Variants in CNBD1 observed in about 807,000 individuals in gnomAD.
CNBD1 encodes cyclic nucleotide binding domain containing 1, also known as cyclic nucleotide-binding domain-containing protein 1.
A neutral mutation model predicts 54.4 loss-of-function variants in CNBD1; 71 were observed. That is an observed-to-expected ratio of 1.30 (90% CI 1.08 to 1.59). The LOEUF is 1.59. Ranked by LOEUF, CNBD1 falls within the 40% of genes most tolerant of loss-of-function variation. The pLI is 0.00. For synonymous variants in CNBD1, 182 were observed against 170.7 expected (o/e 1.07, Z -0.51); for missense variants, 659 against 518.0 (o/e 1.27, Z -2.64).
At chr8:86,976,187 CTTTTTTTTT>C (rs71277906) in intron 4 of CNBD1, among the ~76,000 whole-genome samples, 2 of 83,478 alleles carry the variant, frequency 2.4e-5, no homozygotes, top group Non-Finnish European at 4.4e-5. Context: ...GTGCATTGAC[CTTTTTTTTT>C]TTTTTTTTTT....
At chr8:87,151,432 G>A (rs1352168857) in intron 4 of CNBD1, among the ~76,000 whole-genome samples, 1 of 152,208 alleles carries the variant, frequency 6.6e-6, no homozygotes, top group Admixed American at 6.5e-5. Context: ...TATATAGCAT[G>A]TAGATGGTGT....
At chr8:86,925,932 A>G (rs1389649667) in intron 3 of CNBD1, among the ~76,000 whole-genome samples, 1 of 152,016 alleles carries the variant, frequency 6.6e-6, no homozygotes, top group African/African-American at 2.4e-5. Flanking sequence ...CGAAGAGTGA[A>G]AGGACAAAGC....
At chr8:87,309,112 T>C (rs998087372) in intron 8 of CNBD1, among the ~76,000 whole-genome samples, 1 of 152,142 alleles carries the variant, frequency 6.6e-6, no homozygotes, top group African/African-American at 2.4e-5. Context: ...TAGTCAGTAA[T>C]AGGATTGCTG....
chr8:87,244,123 G>C (rs1196497405), intron 6 of CNBD1, among the ~76,000 whole-genome samples: 1 of 152,098 alleles, frequency 6.6e-6, no homozygotes, highest in Non-Finnish European at 1.5e-5. Context: ...ACATTTTAGG[G>C]AGAGATGAGA....
At chr8:86,904,449 A>G (rs1410411057) in intron 2 of CNBD1, among the ~76,000 whole-genome samples, 1 of 151,994 alleles carries the variant, frequency 6.6e-6, no homozygotes, top group Non-Finnish European at 1.5e-5. Context: ...CATTTTTGGT[A>G]TTTGCCATGA....
intron 3 of CNBD1, among the ~76,000 whole-genome samples, chr8:86,936,078 G>T (rs1403647862): frequency 2.0e-5 from 3 of 152,110 alleles, no homozygotes; most frequent in Non-Finnish European, 2.9e-5. Flanking sequence ...GGCAGAGGTT[G>T]CAGTGAGCTG....
intron 4 of CNBD1, among the ~76,000 whole-genome samples, chr8:87,198,536 A>G (rs150384317): frequency 6.6e-6 from 1 of 152,342 alleles, no homozygotes; most frequent in Admixed American, 6.5e-5. Context: ...CAAATGCTGA[A>G]CTTAGCAGAC....
chr8:87,116,694 C>A (rs1267696403), intron 4 of CNBD1, among the ~76,000 whole-genome samples: 1 of 152,120 alleles, frequency 6.6e-6, no homozygotes, highest in Non-Finnish European at 1.5e-5. Flanking sequence ...CAGTAAATGA[C>A]ATTAATCTGA....
At chr8:87,012,449 T>G (rs1277951833) in intron 4 of CNBD1, among the ~76,000 whole-genome samples, 1 of 152,172 alleles carries the variant, frequency 6.6e-6, no homozygotes, top group African/African-American at 2.4e-5. Flanking sequence ...AAAAAAATAT[T>G]TAACCCAAAA....
chr8:87,304,907 A>T (rs1325726012), intron 8 of CNBD1, among the ~76,000 whole-genome samples: 2 of 152,032 alleles, frequency 1.3e-5, no homozygotes. Context: ...GGAAATCCTT[A>T]TCAGAGCAAT....
chr8:87,385,106 T>C (rs1811155915), downstream of CNBD1, among the ~76,000 whole-genome samples: 1 of 152,020 alleles, frequency 6.6e-6, no homozygotes, highest in Admixed American at 6.6e-5. Context: ...TGGGAGGGCA[T>C]TAAAAAGTCC....
intron 10 of CNBD1, among the ~76,000 whole-genome samples, chr8:87,365,490 C>T (rs1810625101): frequency 6.6e-6 from 1 of 151,910 alleles, no homozygotes; most frequent in African/African-American, 2.4e-5. Flanking sequence ...TGTTGAATAT[C>T]ATGTTTTCAT....
At chr8:87,211,654 G>A (rs538444258) in intron 5 of CNBD1, among the ~76,000 whole-genome samples, 18 of 152,030 alleles carry the variant, frequency 1.2e-4, no homozygotes, top group Non-Finnish European at 1.9e-4. Context: ...CATGTGATGC[G>A]TCTGCTTCCA....
chr8:87,221,560 C>T (rs534794069), intron 5 of CNBD1, among the ~76,000 whole-genome samples: 1 of 152,174 alleles, frequency 6.6e-6, no homozygotes, highest in Non-Finnish European at 1.5e-5. Context: ...TTCATAAAGT[C>T]ATTCCATATA....
At chr8:87,351,856 A>G (rs1586038306) in intron 9 of CNBD1, 62 bp downstream of exon 9, 2 of 1,321,660 alleles carry the variant, frequency 1.5e-6, no homozygotes, top group African/African-American at 1.5e-5. Flanking sequence ...AGTGTCAGAT[A>G]CCTTTTCATG....
At chr8:87,232,536 T>C (rs1364018884) in intron 5 of CNBD1, among the ~76,000 whole-genome samples, 3 of 152,192 alleles carry the variant, frequency 2.0e-5, no homozygotes, top group Non-Finnish European at 2.9e-5. Flanking sequence ...GTATGGGTGA[T>C]TCTTATTTTT....
chr8:87,227,950 T>C (rs1814545103), intron 5 of CNBD1, among the ~76,000 whole-genome samples: 1 of 148,428 alleles, frequency 6.7e-6, no homozygotes, highest in African/African-American at 2.5e-5. Context: ...CTTTTTATTC[T>C]TTTTTCTCTA....
intron 4 of CNBD1, among the ~76,000 whole-genome samples, chr8:87,075,236 A>G (rs972240714): frequency 2.0e-5 from 3 of 152,290 alleles, no homozygotes; most frequent in Admixed American, 1.3e-4. Context: ...GGATGCCCAT[A>G]TGTTTACTAG....
chr8:87,407,058 A>C (rs1227351547), intron 2 of CNBD1, among the ~76,000 whole-genome samples: 1 of 152,078 alleles, frequency 6.6e-6, no homozygotes, highest in Non-Finnish European at 1.5e-5. Context: ...AGAAGTACAC[A>C]GATCATAAGT....
Sources: allele counts gnomAD v4.1 joint callset (sites outside exome capture counted in the v4.1 genomes callset), GRCh38; gene constraint gnomAD v4.1.1; transcripts MANE v1.5; gene names NCBI Gene and HGNC (gene_info 2026-07-23, HGNC 2026-07-21).